Variants in CDKL2 observed in about 807,000 individuals in gnomAD.
The protein encoded by CDKL2 is cyclin-dependent kinase-like 2.
A neutral mutation model predicts 63.9 loss-of-function variants in CDKL2; 64 were observed. That is an observed-to-expected ratio of 1.00 (90% CI 0.82 to 1.23). The LOEUF is 1.23. CDKL2 is among the 50% of genes most tolerant of loss of function. CDKL2 has a pLI of 0.00. For missense variants in CDKL2, 656 were observed against 668.0 expected (o/e 0.98, Z 0.20); for synonymous variants, 211 against 229.2 (o/e 0.92, Z 0.72).
rs182250000 is a variant in CDKL2, at chr4:75,604,309, T to A, written c.656-353A>T. On this transcript the variant is annotated intron_variant, in intron 5 of 13. Coordinates refer to ENST00000307465, the MANE Select transcript of CDKL2 (RefSeq NM_001330724.2). Reference sequence around the variant, plus strand: ...AGTTCTCCCCTTTAAGAATTTAATATTTGGTCAACTGATTTTGTGCTTATC... The same window carrying A: ...AGTTCTCCCCTTTAAGAATTTAATAATTGGTCAACTGATTTTGTGCTTATC... Among the ~76,000 whole-genome samples, 343 of 152,352 alleles carry A rather than the reference T, an allele frequency of 2.3e-3. 5 individuals carry two copies. The highest frequency in any genetic ancestry group is 7.4e-3 in the African/African-American group (307 of 41,582).
chr4:75,590,287 G>A (rs1728661934), intron 12 of CDKL2, among the ~76,000 whole-genome samples: 1 of 152,232 alleles, frequency 6.6e-6, no homozygotes, highest in Non-Finnish European at 1.5e-5. Context: ...TTAATTAAAT[G>A]TTGCTATAGA....
chr4:75,623,769 A>C (rs1219310047), intron 2 of CDKL2, among the ~76,000 whole-genome samples: 1 of 152,200 alleles, frequency 6.6e-6, no homozygotes, highest in Admixed American at 6.5e-5. Context: ...AAAGGGAAAT[A>C]TTATCAAACA....
chr4:75,584,686 A>G (rs1728396237), intron 12 of CDKL2, among the ~76,000 whole-genome samples: 1 of 152,182 alleles, frequency 6.6e-6, no homozygotes. Context: ...TTAATCTGAA[A>G]GCCTAGACAG....
At chr4:75,585,420 T>A (rs1253631949) in intron 12 of CDKL2, among the ~76,000 whole-genome samples, 1 of 151,720 alleles carries the variant, frequency 6.6e-6, no homozygotes, top group African/African-American at 2.4e-5. Flanking sequence ...CAAGACCCCA[T>A]CTCTCAAAAC....
chr4:75,586,775 A>T (rs1410102541), intron 12 of CDKL2, among the ~76,000 whole-genome samples: 1 of 152,228 alleles, frequency 6.6e-6, no homozygotes, highest in African/African-American at 2.4e-5. Flanking sequence ...TAAGCATAGA[A>T]ATGAAAATAC....
chr4:75,620,107 C>T (rs1730092880), intron 2 of CDKL2, among the ~76,000 whole-genome samples: 1 of 152,048 alleles, frequency 6.6e-6, no homozygotes, highest in African/African-American at 2.4e-5. Context: ...GGCAGGAGGA[C>T]TGCTTGAATC....
intron 2 of CDKL2, among the ~76,000 whole-genome samples, chr4:75,617,952 T>C (rs1729996790): frequency 6.6e-6 from 1 of 151,812 alleles, no homozygotes; most frequent in Admixed American, 6.6e-5. Context: ...AATACAAAAA[T>C]TAGCCAGGCG....
chr4:75,626,420 A>T (rs1730410765), intron 1 of CDKL2, among the ~76,000 whole-genome samples: 1 of 152,168 alleles, frequency 6.6e-6, no homozygotes, highest in South Asian at 2.1e-4. Flanking sequence ...TAATCCCAAC[A>T]CTTTGGGAGG....
chr4:75,626,066 C>G (rs1362012164), intron 1 of CDKL2, 49 bp from the exon 2 acceptor site: 1 of 1,142,010 alleles, frequency 8.8e-7, no homozygotes, highest in African/African-American at 1.6e-5. Flanking sequence ...CGTTAATTTC[C>G]TCCGCCTTCC....
chr4:75,617,403 C>A (rs1729976399), intron 2 of CDKL2, among the ~76,000 whole-genome samples: 1 of 152,120 alleles, frequency 6.6e-6, no homozygotes, highest in South Asian at 2.1e-4. Context: ...CAATTATTAT[C>A]CTGCTTTATA....
In CDKL2 at chr4:75,586,216, G is replaced by A. The variant is rs1360868903; in HGVS notation, c.1648-4318C>T. ...TACAAGGGAAATTAGAAAACGTTTG[G>A]ACTAACCTTTCTTTTTTTTTTTTTT... On this transcript the variant is annotated intron_variant, in intron 12 of 13. Coordinates refer to ENST00000307465, the MANE Select transcript of CDKL2 (RefSeq NM_001330724.2). Among the ~76,000 whole-genome samples, 6 of 139,124 alleles carry A rather than the reference G, an allele frequency of 4.3e-5. No individual in the cohort carries two copies. In the East Asian group the frequency reaches 8.8e-4, roughly 20 times the overall value. The allele number at this position is 139,124 out of a possible 152,430, so 91.3% of individuals were successfully genotyped here.
intron 3 of CDKL2, among the ~76,000 whole-genome samples, chr4:75,613,042 G>A (rs991670780): frequency 3.9e-5 from 6 of 151,926 alleles, no homozygotes; most frequent in South Asian, 2.1e-4. Context: ...GGAGAATGGC[G>A]TGAGCCTGGG....
At chr4:75,609,986 G>A (rs1468060986) in intron 3 of CDKL2, among the ~76,000 whole-genome samples, 1 of 151,756 alleles carries the variant, frequency 6.6e-6, no homozygotes, top group Non-Finnish European at 1.5e-5. Context: ...GGTGGATCAC[G>A]AGGTCAGGAG....
At chr4:75,583,931 G>T (rs896344983) in intron 12 of CDKL2, among the ~76,000 whole-genome samples, 3 of 152,030 alleles carry the variant, frequency 2.0e-5, no homozygotes, top group Admixed American at 6.6e-5. Flanking sequence ...AAAAAGATGG[G>T]ACTAGATTCA....
At position 75,621,124 on chromosome 4, in the gene CDKL2, C is replaced by T. The variant is rs557178038; in HGVS notation, c.168+4697G>A. Reference sequence around the variant, plus strand: ...CTAATTTTTGTATTTTTAGTAAGGACAGGGTTTCACCACGTTGGCCAGGCT... The same window carrying T: ...CTAATTTTTGTATTTTTAGTAAGGATAGGGTTTCACCACGTTGGCCAGGCT... On this transcript the variant is annotated intron_variant, in intron 2 of 13. Transcript: ENST00000307465. 2.6e-5 allele frequency among the ~76,000 whole-genome samples: 4 copies of T among 151,936 alleles called. No individual in the cohort carries two copies. The East Asian group carries it at 7.8e-4, about 30-fold the overall frequency.
chr4:75,595,155 C>T (rs192139724), intron 10 of CDKL2, among the ~76,000 whole-genome samples: 10 of 151,364 alleles, frequency 6.6e-5, no homozygotes, highest in Admixed American at 2.0e-4. Flanking sequence ...TCACACATAA[C>T]GATTGATAAA....
intron 1 of CDKL2, among the ~76,000 whole-genome samples, chr4:75,629,197 T>G (rs1281165662): frequency 6.6e-6 from 1 of 152,210 alleles, no homozygotes; most frequent in South Asian, 2.1e-4. Flanking sequence ...ATGACAAAAA[T>G]AGCTTGAATC....
At chr4:75,623,115 A>G (rs1415941446) in intron 2 of CDKL2, among the ~76,000 whole-genome samples, 1 of 152,106 alleles carries the variant, frequency 6.6e-6, no homozygotes, top group African/African-American at 2.4e-5. Context: ...ATCTTTACCC[A>G]AAAAAATACA....
At chr4:75,626,700 G>T (rs1193774679) in intron 1 of CDKL2, among the ~76,000 whole-genome samples, 1 of 148,738 alleles carries the variant, frequency 6.7e-6, no homozygotes, top group Non-Finnish European at 1.5e-5. Context: ...TCCAGCCTGG[G>T]CAACATACTG....
Sources: allele counts gnomAD v4.1 joint callset (sites outside exome capture counted in the v4.1 genomes callset), GRCh38; gene constraint gnomAD v4.1.1; transcripts MANE v1.5; gene names NCBI Gene and HGNC (gene_info 2026-07-23, HGNC 2026-07-21).